The following ELAVL3 variants were observed in gnomAD, a reference collection of about 807,000 sequenced individuals.
ELAVL3 encodes the protein ELAV like RNA binding protein 3, also known as ELAV-like protein 3.
ELAVL3 carries 8 observed loss-of-function variants against 34.2 expected under a neutral mutation model. That is an observed-to-expected ratio of 0.23 (90% CI 0.14 to 0.42). ELAVL3 has a LOEUF of 0.42. Among genes scored for constraint, ELAVL3 ranks in the 10% least tolerant of loss-of-function variants. The probability of loss-of-function intolerance (pLI) is 1.00; values close to 1 mark genes in which losing one functional copy is unlikely to be tolerated. For missense variants in ELAVL3, 273 were observed against 518.8 expected (o/e 0.53, Z 4.60); for synonymous variants, 209 against 222.1 (o/e 0.94, Z 0.53).
At position 11,454,808 on chromosome 19, in the gene ELAVL3, G is replaced by A; in HGVS notation, c.822C>T (p.Gly274=). The A allele has an allele frequency of 1.9e-6, 3 of 1,611,174 alleles. No homozygotes were observed. Among genetic ancestry groups the A allele is most frequent in the Non-Finnish European group, 2.5e-6 (3 of 1,179,176 alleles). The change falls in exon 7 of 7, where the codon GGC becomes GGT. Residue 274 remains glycine (G), a synonymous_variant. Transcript: ENST00000359227. The surrounding 1 kb of genome is among the most constrained non-coding windows in gnomAD (Gnocchi z 9.2). The part of the protein sequence containing the change: ...IDGMSGLAGV[G]LSGGAAGAGW... ...CGGCGCCCGCCGCGCCCCCCGACAGGCCCACGCCCGCCAGGCCGCTCATAC... is the reference window on the plus strand; with the variant it reads ...CGGCGCCCGCCGCGCCCCCCGACAGACCCACGCCCGCCAGGCCGCTCATAC...
At chr19:11,460,005 T>C (rs889006037) in intron 3 of ELAVL3, among the ~76,000 whole-genome samples, 3 of 152,168 alleles carry the variant, frequency 2.0e-5, no homozygotes, top group South Asian at 2.1e-4. Flanking sequence ...GTCCCCAGTC[T>C]GCACCCCTGG....
intron 1 of ELAVL3, among the ~76,000 whole-genome samples, chr19:11,470,094 C>A (rs1251904776): frequency 6.6e-6 from 1 of 152,068 alleles, no homozygotes; most frequent in Non-Finnish European, 1.5e-5. Context: ...GTGGCTCAAG[C>A]CTGTAATCCC....
At chr19:11,461,685 C>A (rs1970888747) in intron 3 of ELAVL3, among the ~76,000 whole-genome samples, 1 of 151,514 alleles carries the variant, frequency 6.6e-6, no homozygotes. Flanking sequence ...ACAGCCTTGA[C>A]CCCCCCGGGC....
rs114348792 is a variant in ELAVL3 at position 11,453,196 on chromosome 19, G to C, written c.*1330C>G. On this transcript the variant is annotated 3_prime_UTR_variant, in exon 7 of 7. Transcript: ENST00000359227. ...GTCCTTTGGCCTCAAGTGTTGTGGG[G>C]GGGGGGGCTGCCTCCAGCCCACCGT... is the stretch of plus-strand genomic sequence containing the variant. 4,835 of 152,260 alleles carry C rather than the reference G, an allele frequency of 0.032. 96 individuals are homozygous for C. Among genetic ancestry groups the C allele is most frequent in the Non-Finnish European group, 0.039 (2,675 of 68,020 alleles). The allele number at this position is 152,260 out of a possible 1,614,324, so 9.4% of individuals were successfully genotyped here.
intron 1 of ELAVL3, among the ~76,000 whole-genome samples, chr19:11,479,641 C>T (rs547233333): frequency 1.3e-5 from 2 of 151,528 alleles, no homozygotes; most frequent in African/African-American, 4.8e-5. Flanking sequence ...GCCGGGCCCC[C>T]GGGGCCCTGG....
chr19:11,479,929 C>A (rs931329807), intron 1 of ELAVL3, among the ~76,000 whole-genome samples: 1 of 151,814 alleles, frequency 6.6e-6, no homozygotes, highest in East Asian at 2.0e-4. Context: ...AGGTGCCCCC[C>A]CAACCCGCGG....
chr19:11,454,351 G>T lies in ELAVL3; in HGVS notation c.*175C>A. 1 of 645,850 alleles carries T rather than the reference G, an allele frequency of 1.5e-6. No individual in the cohort carries two copies. The highest frequency in any genetic ancestry group is 2.6e-6 in the Non-Finnish European group (1 of 383,214). The allele number at this position is 645,850 out of a possible 1,614,324, so 40.0% of individuals were successfully genotyped here. A position where few individuals can be genotyped will look rare whatever the true frequency, so the allele number is the denominator to read the frequency against. On this transcript the variant is annotated 3_prime_UTR_variant, in exon 7 of 7. Transcript: ENST00000359227. The surrounding 1 kb of genome is among the most constrained non-coding windows in gnomAD (Gnocchi z 9.2). ...CCGGGCACCCCCCCAATTCCCTGCA[G>T]ACCCTCCCACCCCAGAGTGCTCACC...
Position 11,454,352 on chromosome 19 carries a change from A to C in ELAVL3, c.*174T>G. On this transcript the variant is annotated 3_prime_UTR_variant, in exon 7 of 7. Transcript: ENST00000359227. The surrounding 1 kb of genome is among the most constrained non-coding windows in gnomAD (Gnocchi z 9.2). ...CGGGCACCCCCCCAATTCCCTGCAG[A>C]CCCTCCCACCCCAGAGTGCTCACCC... The C allele has an allele frequency of 1.6e-6, 1 of 641,106 alleles. No individual in the cohort carries two copies. Among genetic ancestry groups the C allele is most frequent in the African/African-American group, 1.8e-5 (1 of 54,120 alleles). 39.7% of individuals were successfully genotyped at this position (641,106 alleles called of 1,614,324 possible).
chr19:11,473,802 C>T (rs1459584670), intron 1 of ELAVL3, among the ~76,000 whole-genome samples: 3 of 152,244 alleles, frequency 2.0e-5, no homozygotes, highest in East Asian at 1.9e-4. Context: ...ACAGTGCCAG[C>T]TCTAACATTT....
chr19:11,459,500 C>T (rs1335660710), intron 3 of ELAVL3, among the ~76,000 whole-genome samples: 3 of 151,940 alleles, frequency 2.0e-5, no homozygotes, highest in Admixed American at 6.6e-5. Context: ...AGCTCCTGAT[C>T]TCATGATCCG....
Position 11,454,790 on chromosome 19 carries a change from C to T in ELAVL3, c.840G>A (p.Ala280=), listed in dbSNP as rs561675701. The T allele has an allele frequency of 5.5e-5, 89 of 1,612,894 alleles. 1 individual carries two copies. The East Asian group carries it at 1.8e-3, about 33-fold the overall frequency. Residue 280 remains alanine (A), a synonymous_variant, in exon 7 of 7, where the codon GCG becomes GCA. Transcript: ENST00000359227. This position sits in a 1 kb window ranked among gnomAD's most constrained non-coding sequence, Gnocchi z 9.2. ...LAGVGLSGGA[A]GAGWCIFVYN... is the part of the protein sequence containing the mutation. ...ACACGAAGATGCACCAGCCGGCGCCCGCCGCGCCCCCCGACAGGCCCACGC... is the reference window on the plus strand; with the variant it reads ...ACACGAAGATGCACCAGCCGGCGCCTGCCGCGCCCCCCGACAGGCCCACGC...
At chr19:11,471,567 C>T (rs1385165293) in intron 1 of ELAVL3, among the ~76,000 whole-genome samples, 2 of 151,952 alleles carry the variant, frequency 1.3e-5, no homozygotes, top group Non-Finnish European at 1.5e-5. Context: ...GAGCTGAGAT[C>T]GCGCCATTGC....
At chr19:11,464,123 G>GTC (rs1165917141) in intron 3 of ELAVL3, among the ~76,000 whole-genome samples, 2,680 of 110,800 alleles carry the variant, frequency 0.024, 54 homozygotes, top group Middle Eastern at 0.035. Flanking sequence ...GTCTCTCTCT[G>GTC]TCTCTCTCTC....
chr19:11,480,477 C>T lies in ELAVL3; in HGVS notation c.9+123G>A. 3 of 1,182,202 alleles carry T rather than the reference C, an allele frequency of 2.5e-6. No individual in the cohort carries two copies. Among genetic ancestry groups the T allele is most frequent in the South Asian group, 4.2e-5 (2 of 47,230 alleles). The allele number at this position is 1,182,202 out of a possible 1,614,324, so 73.2% of individuals were successfully genotyped here. ...TCAGGCCCCGAGGCTTGGTCCTACC[C>T]CCCCAACCCGGGCCTAGCTAGGCCT... On this transcript the variant is annotated intron_variant, in intron 1 of 6. Coordinates refer to ENST00000359227, the MANE Select transcript of ELAVL3 (RefSeq NM_001420.4). This position sits in a 1 kb window ranked among gnomAD's most constrained non-coding sequence, Gnocchi z 6.8.
intron 3 of ELAVL3, among the ~76,000 whole-genome samples, chr19:11,462,254 G>A (rs1308821005): frequency 6.6e-6 from 1 of 151,920 alleles, no homozygotes; most frequent in Admixed American, 6.6e-5. Flanking sequence ...ATGGGGGGCA[G>A]GGTCTGATTA....
At chr19:11,479,762 C>A (rs1199991985) in intron 1 of ELAVL3, among the ~76,000 whole-genome samples, 2 of 151,610 alleles carry the variant, frequency 1.3e-5, no homozygotes, top group Non-Finnish European at 3.0e-5. Flanking sequence ...AAGCACCGAG[C>A]GCGGGGCTAG....
intron 1 of ELAVL3, among the ~76,000 whole-genome samples, chr19:11,476,940 T>G (rs1024223814): frequency 2.0e-5 from 3 of 151,798 alleles, no homozygotes; most frequent in Non-Finnish European, 4.4e-5. Context: ...AAAAAAGAAT[T>G]CAGTTCCAGG....
At chr19:11,465,258 G>T (rs373748733) in intron 3 of ELAVL3, among the ~76,000 whole-genome samples, 1 of 49,920 alleles carries the variant, frequency 2.0e-5, no homozygotes, top group Non-Finnish European at 3.4e-5. Flanking sequence ...CATACACACC[G>T]CACACATACA....
At chr19:11,464,156 T>TA (rs1488303597) in intron 3 of ELAVL3, among the ~76,000 whole-genome samples, 2 of 112,816 alleles carry the variant, frequency 1.8e-5, no homozygotes, top group African/African-American at 9.3e-5. Context: ...TCTCTCTATA[T>TA]ATATATATAT....
Sources: allele counts gnomAD v4.1 joint callset (sites outside exome capture counted in the v4.1 genomes callset), GRCh38; gene constraint gnomAD v4.1.1; non-coding constraint Gnocchi (gnomAD v3.1); transcripts MANE v1.5; gene names NCBI Gene and HGNC (gene_info 2026-07-23, HGNC 2026-07-21).